Variants in DDX52 observed in about 807,000 individuals in gnomAD.
DDX52 encodes the protein DExD-box helicase 52, also known as probable ATP-dependent RNA helicase DDX52.
In DDX52, 59 loss-of-function variants were observed where a neutral mutation model predicts 76.1. The ratio of observed to expected loss-of-function variants is 0.78; its 90% CI spans 0.63 to 0.96. The LOEUF is 0.96. DDX52 is among the 40% of genes least tolerant of loss of function. The pLI, the probability that DDX52 is intolerant of heterozygous loss-of-function variation, is 0.00. For missense variants in DDX52, 707 were observed against 703.9 expected (o/e 1.00, Z -0.05); for synonymous variants, 231 against 244.1 (o/e 0.95, Z 0.50).
chr17:37,626,674 G>A (rs1408669562), intron 7 of DDX52, 114 bp downstream of exon 7: 1 of 980,706 alleles, frequency 1.0e-6, no homozygotes, highest in Admixed American at 2.3e-5. Flanking sequence ...TGCCAACACT[G>A]ACTGAAGGTG....
At position 37,632,261 on chromosome 17, in the gene DDX52, T is replaced by G; in HGVS notation, c.455A>C (p.Gln152Pro). 1 of 1,614,064 alleles carries G rather than the reference T, an allele frequency of 6.2e-7. No individual in the cohort carries two copies. Among genetic ancestry groups the G allele is most frequent in the Non-Finnish European group, 8.5e-7 (1 of 1,180,006 alleles). ...FLRNKHKIHV[Q>P]GTDLPDPIAT... The stretch of plus-strand genomic sequence containing the variant: ...AATTGGGTCAGGAAGATCGGTTCCT[T>G]GGACGTGAATTTTGTGTTTATTCCG... The change falls in exon 4 of 15, where the codon CAA (glutamine) becomes CCA (proline). Residue 152 changes from glutamine (Q) to proline (P), a missense_variant. Gln to Pro is a moderately conservative substitution (Grantham distance 76). Coordinates refer to ENST00000617633, the MANE Select transcript of DDX52 (RefSeq NM_007010.5).
Position 37,613,994 on chromosome 17 carries a change from A to T in DDX52, c.*302T>A. The T allele has an allele frequency of 3.4e-6, 1 of 295,784 alleles. No individual in the cohort carries two copies. The highest frequency in any genetic ancestry group is 2.2e-5 in the African/African-American group (1 of 46,118). 18.3% of individuals were successfully genotyped at this position (295,784 alleles called of 1,614,324 possible). A position where few individuals can be genotyped will look rare whatever the true frequency, so the allele number is the denominator to read the frequency against. ...AGTCACCTACAGAGCTGGGTGCAGC[A>T]GCTTGTGCCTGTAATCTCAGTTACT... On this transcript the variant is annotated 3_prime_UTR_variant, in exon 15 of 15. Transcript: ENST00000617633.
chr17:37,633,820 G>C (rs1210919011), intron 2 of DDX52, among the ~76,000 whole-genome samples: 1 of 152,100 alleles, frequency 6.6e-6, no homozygotes, highest in East Asian at 1.9e-4. Flanking sequence ...GTGTTGGTAT[G>C]ATCAGAGTTC....
rs753737638 is a variant in DDX52, at chr17:37,621,393, T to A, written c.1350+5A>T. ...CTGAGTTTCAAAGTATATATTTGAC[T>A]TTACCTGTTGTTGTGTTCTCTCTGC... On this transcript the variant is annotated splice_donor_5th_base_variant and intron_variant, in intron 10 of 14. Coordinates refer to ENST00000617633, the MANE Select transcript of DDX52 (RefSeq NM_007010.5). 4 of 1,609,000 alleles carry A rather than the reference T, an allele frequency of 2.5e-6. No individual in the cohort carries two copies. In the Admixed American group the frequency reaches 5.1e-5, roughly 21 times the overall value.
intron 4 of DDX52, among the ~76,000 whole-genome samples, chr17:37,630,639 GTT>G (rs34387906): frequency 3.8e-4 from 49 of 128,538 alleles, no homozygotes; most frequent in Admixed American, 1.4e-3. Flanking sequence ...AACTCACTGT[GTT>G]TTTTTTTTTT....
At chr17:37,627,370 C>A (rs905559565) in intron 6 of DDX52, among the ~76,000 whole-genome samples, 4 of 152,010 alleles carry the variant, frequency 2.6e-5, no homozygotes, top group Admixed American at 2.0e-4. Flanking sequence ...CCACCACGCC[C>A]AGCTAATTTT....
intron 2 of DDX52, among the ~76,000 whole-genome samples, chr17:37,638,695 A>C (rs180975717): frequency 6.6e-6 from 1 of 152,302 alleles, no homozygotes; most frequent in East Asian, 1.9e-4. Context: ...ATACCAAATA[A>C]AATTTCACAG....
At chr17:37,622,451 G>A (rs569381365) in intron 9 of DDX52, among the ~76,000 whole-genome samples, 3 of 151,854 alleles carry the variant, frequency 2.0e-5, no homozygotes, top group South Asian at 4.2e-4. Context: ...GCACCACCAC[G>A]CCTGGCTAAC....
intron 6 of DDX52, 22 bp downstream of exon 6, chr17:37,628,539 A>C: frequency 6.4e-7 from 1 of 1,558,032 alleles, no homozygotes; most frequent in East Asian, 2.2e-5. Context: ...CTCTATCTAC[A>C]TCCCATGTAT....
In DDX52 at chr17:37,627,358, C is replaced by A. The variant is rs187862030; in HGVS notation, c.860-498G>T. On this transcript the variant is annotated intron_variant, in intron 6 of 14. Transcript: ENST00000617633. ...ACCACTAGCTGGGACTACAGGCGCC[C>A]GCCACCACGCCCAGCTAATTTTTTG... Among the ~76,000 whole-genome samples the A allele has an allele frequency of 3.2e-3, 482 of 152,238 alleles. 1 individual carries two copies. The highest frequency in any genetic ancestry group is 5.4e-3 in the Non-Finnish European group (368 of 68,006).
chr17:37,619,701 G>GAAAAA, intron 13 of DDX52, 67 bp downstream of exon 13: 1 of 1,161,900 alleles, frequency 8.6e-7, no homozygotes, highest in Non-Finnish European at 1.2e-6. Flanking sequence ...AACAGAGCAA[G>GAAAAA]AAAAAAAAAA....
At chr17:37,618,020 C>T (rs563141977) in intron 14 of DDX52, among the ~76,000 whole-genome samples, 49 of 152,078 alleles carry the variant, frequency 3.2e-4, no homozygotes, top group Non-Finnish European at 6.2e-4. Flanking sequence ...GATGATGAAG[C>T]AGTAGAATGG....
intron 6 of DDX52, among the ~76,000 whole-genome samples, chr17:37,628,296 T>G (rs1487364938): frequency 2.0e-5 from 3 of 152,160 alleles, no homozygotes; most frequent in Non-Finnish European, 4.4e-5. Context: ...TCCCCAGTTG[T>G]GACAACTACA....
At chr17:37,635,040 C>G (rs1164514921) in intron 2 of DDX52, among the ~76,000 whole-genome samples, 1 of 151,984 alleles carries the variant, frequency 6.6e-6, no homozygotes, top group African/African-American at 2.4e-5. Flanking sequence ...ACCTCGTGAT[C>G]CGCCCGCCTC....
intron 2 of DDX52, among the ~76,000 whole-genome samples, chr17:37,637,034 A>C (rs2030962311): frequency 6.6e-6 from 1 of 152,210 alleles, no homozygotes; most frequent in Admixed American, 6.5e-5. Flanking sequence ...GCATGATCAC[A>C]GCTCACTGTA....
chr17:37,619,798 T>C lies in DDX52; in HGVS notation c.1619A>G (p.Glu540Gly), dbSNP rs777515706. ...VIQQAGCPVPEYIKGFQKLLS... is the reference protein window; with the variant it reads ...VIQQAGCPVPGYIKGFQKLLS... The stretch of plus-strand genomic sequence containing the variant: ...TAGTTTCTGAAAACCTTTTATGTAT[T>C]CTGGTACAGGACACCCAGCCTGCTG... Residue 540 changes from glutamate to glycine, a missense_variant, in exon 13 of 15, where the codon GAA becomes GGA. Glu to Gly is a moderately conservative substitution (Grantham distance 98). Transcript: ENST00000617633. 6.2e-7 allele frequency: 1 copy of C among 1,614,032 alleles called. No individual in the cohort carries two copies. Among genetic ancestry groups the C allele is most frequent in the South Asian group, 1.1e-5 (1 of 91,072 alleles).
intron 2 of DDX52, among the ~76,000 whole-genome samples, chr17:37,634,094 G>A (rs1044419359): frequency 2.7e-4 from 41 of 151,656 alleles, no homozygotes; most frequent in African/African-American, 9.2e-4. Context: ...ACAGGAATCC[G>A]CCACCATGCC....
intron 2 of DDX52, among the ~76,000 whole-genome samples, chr17:37,641,498 G>T (rs143127075): frequency 6.6e-6 from 1 of 152,158 alleles, no homozygotes; most frequent in African/African-American, 2.4e-5. Flanking sequence ...CGGCACTTTG[G>T]GGGGCCAAAG....
At chr17:37,642,937 T>C (rs749559693) in intron 1 of DDX52, 74 of 167,408 alleles carry the variant, frequency 4.4e-4, no homozygotes, top group Non-Finnish European at 7.7e-4. Context: ...AGTACAACTA[T>C]ACGCATGCCA....
Sources: gnomAD v4.1 joint callset for allele counts (sites outside exome capture counted in the v4.1 genomes callset) on GRCh38, gnomAD v4.1.1 for gene constraint, MANE v1.5 for transcripts, NCBI Gene and HGNC (gene_info 2026-07-23, HGNC 2026-07-21) for gene names.